Variants in EBF1 observed in about 807,000 individuals in gnomAD.
The protein encoded by EBF1 is EBF transcription factor 1.
In EBF1, 10 loss-of-function variants were observed where a neutral mutation model predicts 68.4. The ratio of observed to expected loss-of-function variants is 0.15; its 90% CI spans 0.09 to 0.25. The LOEUF is 0.25. EBF1 is among the 10% of genes least tolerant of loss of function. The probability of loss-of-function intolerance (pLI) is 1.00; values close to 1 mark genes in which losing one functional copy is unlikely to be tolerated. For synonymous variants in EBF1, 298 were observed against 299.8 expected, an observed-to-expected ratio of 0.99 and a Z score of 0.06; for missense variants, 509 against 794.4, an observed-to-expected ratio of 0.64 and a Z score of 4.32.
intron 6 of EBF1, among the ~76,000 whole-genome samples, chr5:158,863,815 T>C (rs1467388270): frequency 6.6e-6 from 1 of 152,186 alleles, no homozygotes; most frequent in East Asian, 1.9e-4. Flanking sequence ...CCTTTTTCTT[T>C]GGTGTGCTCT....
chr5:158,790,541 T>A (rs986004817), intron 9 of EBF1, among the ~76,000 whole-genome samples: 3 of 152,104 alleles, frequency 2.0e-5, no homozygotes, highest in African/African-American at 7.2e-5. Flanking sequence ...GTTTGGGACA[T>A]GCTGAATACT....
At position 158,930,887 on chromosome 5, in the gene EBF1, CAAA is replaced by C. The variant is rs5872578; in HGVS notation, c.555-90780_555-90778del. On this transcript the variant is annotated intron_variant, in intron 6 of 15. Coordinates refer to ENST00000313708, the MANE Select transcript of EBF1 (RefSeq NM_024007.5). ...TCTCCTTTAATTTTCTCAGGTTACC[CAAA>C]AAAAAAAACACATTTTCATATCTTG... Among the ~76,000 whole-genome samples the C allele has an allele frequency of 1.1e-3, 155 of 143,472 alleles. 1 individual carries two copies. The highest frequency in any genetic ancestry group is 3.7e-3 in the African/African-American group (147 of 39,550). 94.1% of individuals were successfully genotyped at this position (143,472 alleles called of 152,430 possible).
chr5:158,937,659 C>T (rs913065995), intron 6 of EBF1, among the ~76,000 whole-genome samples: 2 of 152,122 alleles, frequency 1.3e-5, no homozygotes, highest in South Asian at 2.1e-4. Flanking sequence ...TATTCGAGTG[C>T]GGAATGGCTT....
intron 6 of EBF1, among the ~76,000 whole-genome samples, chr5:158,916,582 A>T (rs1028972835): frequency 3.3e-5 from 5 of 152,190 alleles, no homozygotes; most frequent in Non-Finnish European, 7.3e-5. Flanking sequence ...AGGCTCAGAA[A>T]GATTAAGTAC....
chr5:158,872,210 T>G (rs1284772657), intron 6 of EBF1, among the ~76,000 whole-genome samples: 1 of 151,894 alleles, frequency 6.6e-6, no homozygotes, highest in Non-Finnish European at 1.5e-5. Context: ...TCTTTTTTTT[T>G]TTTTGAGATG....
intron 10 of EBF1, among the ~76,000 whole-genome samples, chr5:158,770,592 C>G (rs1773668532): frequency 1.3e-5 from 2 of 152,092 alleles, no homozygotes; most frequent in Admixed American, 1.3e-4. Context: ...TCTCCTCCTC[C>G]CTCTTGATTT....
intron 10 of EBF1, among the ~76,000 whole-genome samples, chr5:158,737,358 G>C (rs1421353561): frequency 2.3e-5 from 3 of 131,564 alleles, no homozygotes; most frequent in East Asian, 5.0e-4. Flanking sequence ...ATCTCGGCTC[G>C]CTGCAAACTC....
At chr5:158,867,208 T>A (rs1177653681) in intron 6 of EBF1, among the ~76,000 whole-genome samples, 1 of 152,114 alleles carries the variant, frequency 6.6e-6, no homozygotes, top group Non-Finnish European at 1.5e-5. Context: ...AGGGTTCACA[T>A]TACGCCTAGA....
intron 6 of EBF1, among the ~76,000 whole-genome samples, chr5:158,847,910 T>C (rs1460424463): frequency 6.6e-6 from 1 of 152,188 alleles, no homozygotes; most frequent in Non-Finnish European, 1.5e-5. Context: ...ATTACTGGTG[T>C]AAATCTTTCC....
chr5:158,716,026 C>A (rs1488113024), intron 11 of EBF1, among the ~76,000 whole-genome samples: 1 of 152,098 alleles, frequency 6.6e-6, no homozygotes, highest in Admixed American at 6.5e-5. Context: ...TTGTCAAAAG[C>A]GTGATGAGGC....
intron 10 of EBF1, among the ~76,000 whole-genome samples, chr5:158,733,381 T>C (rs1042297834): frequency 6.6e-6 from 1 of 152,252 alleles, no homozygotes; most frequent in African/African-American, 2.4e-5. Context: ...ATTAGCATAA[T>C]GAATTCCTAT....
chr5:159,094,000 C>CTT (rs35491355), intron 4 of EBF1, among the ~76,000 whole-genome samples: 7,916 of 130,026 alleles, frequency 0.061, 472 homozygotes, highest in African/African-American at 0.15. Context: ...TCCCTCCCAA[C>CTT]TTTTTTTTTT....
rs185248964 is a variant in EBF1, at chr5:159,039,439, A to C, written c.554+33957T>G. Among the ~76,000 whole-genome samples, 7 of 152,328 alleles carry C rather than the reference A, an allele frequency of 4.6e-5. No homozygotes were observed. The East Asian group carries it at 1.3e-3, about 29-fold the overall frequency. ...ACTAGTTAAAATAAAACTACTATAT[A>C]AACTACTGTCTACTTTTGCATGCAT... On this transcript the variant is annotated intron_variant, in intron 6 of 15. Coordinates refer to ENST00000313708, the MANE Select transcript of EBF1 (RefSeq NM_024007.5).
At chr5:158,923,074 G>A (rs1181029290) in intron 6 of EBF1, among the ~76,000 whole-genome samples, 1 of 152,222 alleles carries the variant, frequency 6.6e-6, no homozygotes, top group Non-Finnish European at 1.5e-5. Context: ...CGTGGAGCCC[G>A]AAGGCCTTGG....
At chr5:159,078,866 G>A (rs992736184) in intron 5 of EBF1, among the ~76,000 whole-genome samples, 6 of 152,116 alleles carry the variant, frequency 3.9e-5, no homozygotes, top group African/African-American at 7.2e-5. Flanking sequence ...CACAGGTGGC[G>A]TATTTCTAGA....
At chr5:158,761,205 G>A (rs1771369088) in intron 10 of EBF1, among the ~76,000 whole-genome samples, 1 of 152,164 alleles carries the variant, frequency 6.6e-6, no homozygotes, top group East Asian at 1.9e-4. Context: ...TTCTCACAAA[G>A]GAGATAACTC....
chr5:158,922,399 GACC>G (rs1306101604), intron 6 of EBF1, among the ~76,000 whole-genome samples: 1 of 152,090 alleles, frequency 6.6e-6, no homozygotes, highest in Non-Finnish European at 1.5e-5. Context: ...AACAATAACC[GACC>G]ACATCAAAAG....
chr5:158,933,299 A>C (rs1811293890), intron 6 of EBF1, among the ~76,000 whole-genome samples: 1 of 152,170 alleles, frequency 6.6e-6, no homozygotes, highest in Non-Finnish European at 1.5e-5. Flanking sequence ...AAAACTTACC[A>C]CTATAGGCAA....
chr5:158,814,733 A>G (rs1783384233), intron 8 of EBF1, among the ~76,000 whole-genome samples: 1 of 152,188 alleles, frequency 6.6e-6, no homozygotes, highest in Non-Finnish European at 1.5e-5. Flanking sequence ...TCAACAAATG[A>G]TTTCTAGGGA....
Sources: gnomAD v4.1 joint callset for allele counts (sites outside exome capture counted in the v4.1 genomes callset) on GRCh38, gnomAD v4.1.1 for gene constraint, MANE v1.5 for transcripts, NCBI Gene and HGNC (gene_info 2026-07-23, HGNC 2026-07-21) for gene names.